CAMK1D: variants seen among roughly 807,000 people sequenced by gnomAD.
CAMK1D encodes the protein calcium/calmodulin dependent protein kinase ID, also known as calcium/calmodulin-dependent protein kinase type 1D.
CAMK1D carries 9 observed loss-of-function variants against 47.7 expected under a neutral mutation model. The observed-to-expected ratio is 0.19, with a 90% CI of 0.11 to 0.33. CAMK1D has a LOEUF of 0.33. Ranked by LOEUF, CAMK1D falls within the 10% of genes least tolerant of loss-of-function variation. The pLI is 1.00. For synonymous variants in CAMK1D, 184 were observed against 184.9 expected (o/e 0.99, Z 0.04); for missense variants, 291 against 488.7 (o/e 0.60, Z 3.81).
chr10:12,655,863 CT>C (rs1428356262), intron 2 of CAMK1D, among the ~76,000 whole-genome samples: 1 of 152,220 alleles, frequency 6.6e-6, no homozygotes, highest in African/African-American at 2.4e-5. Flanking sequence ...AGCTGACAAA[CT>C]TGTCTGTGCA....
At position 12,560,207 on chromosome 10, in the gene CAMK1D, G is replaced by A. The variant is rs79198238; in HGVS notation, c.224+6851G>A. Among the ~76,000 whole-genome samples the A allele has an allele frequency of 6.7e-3, 1,016 of 152,172 alleles. 17 individuals carry two copies. Among genetic ancestry groups the A allele is most frequent in the African/African-American group, 0.023 (956 of 41,490 alleles). On this transcript the variant is annotated intron_variant, in intron 2 of 10. Transcript: ENST00000619168. ...GCCCTGTTCACTTGTTTAAACCACT[G>A]CCAAGTGCCAGTCTTTGTGCCTGTT...
chr10:12,378,536 C>G (rs1838250459), intron 1 of CAMK1D, among the ~76,000 whole-genome samples: 2 of 127,692 alleles, frequency 1.6e-5, no homozygotes, highest in African/African-American at 2.7e-5. Flanking sequence ...TGACTGGCCC[C>G]TTAGTATTTT....
intron 3 of CAMK1D, among the ~76,000 whole-genome samples, chr10:12,751,073 T>TAAGAG (rs1308632569): frequency 2.1e-4 from 8 of 38,222 alleles, no homozygotes; most frequent in Non-Finnish European, 2.3e-4. Context: ...TAAGATAAGA[T>TAAGAG]AAGATAAGAT....
In CAMK1D at chr10:12,523,759, GGGGAGA is replaced by G. The variant is rs958831565; in HGVS notation, c.93-29448_93-29443del. 5.6e-4 allele frequency among the ~76,000 whole-genome samples: 85 copies of G among 152,186 alleles called. No individual in the cohort carries two copies. In the South Asian group the frequency reaches 6.6e-3, roughly 12 times the overall value. ...GGAAAGAGAGGGAGAGGGAGACCGT[GGGGAGA>G]GGGAGAGGGAGAGGGAGCGGGAGAG... On this transcript the variant is annotated intron_variant, in intron 1 of 10. Transcript: ENST00000619168.
At chr10:12,556,010 A>G (rs1421762244) in intron 2 of CAMK1D, among the ~76,000 whole-genome samples, 2 of 152,146 alleles carry the variant, frequency 1.3e-5, no homozygotes, top group Non-Finnish European at 2.9e-5. Flanking sequence ...GGGCTGGAAT[A>G]ACTTGTTTTG....
intron 1 of CAMK1D, among the ~76,000 whole-genome samples, chr10:12,456,187 G>A (rs530513714): frequency 1.3e-5 from 2 of 152,160 alleles, no homozygotes; most frequent in Non-Finnish European, 2.9e-5. Context: ...CCCTGAATTG[G>A]AATGAATAAA....
At chr10:12,795,593 A>G (rs944362799) in intron 6 of CAMK1D, among the ~76,000 whole-genome samples, 2 of 152,174 alleles carry the variant, frequency 1.3e-5, no homozygotes, top group African/African-American at 4.8e-5. Context: ...TTTTTGTTTG[A>G]TAAACCTGTC....
chr10:12,752,841 G>C (rs558212260), intron 3 of CAMK1D, among the ~76,000 whole-genome samples: 1 of 152,198 alleles, frequency 6.6e-6, no homozygotes, highest in African/African-American at 2.4e-5. Context: ...CTTATGAACT[G>C]TCTGTAACCA....
At chr10:12,744,069 G>A (rs182344089) in intron 3 of CAMK1D, among the ~76,000 whole-genome samples, 42 of 151,828 alleles carry the variant, frequency 2.8e-4, no homozygotes, top group Admixed American at 5.9e-4. Flanking sequence ...TCATATAAAT[G>A]AGATCATATA....
At chr10:12,802,644 C>T (rs1406450759) in intron 6 of CAMK1D, among the ~76,000 whole-genome samples, 5 of 152,154 alleles carry the variant, frequency 3.3e-5, no homozygotes, top group Non-Finnish European at 7.3e-5. Flanking sequence ...CCTCAGCCTC[C>T]CGAGTAGCTG....
At chr10:12,761,752 G>GGC (rs1229765531) in intron 4 of CAMK1D, among the ~76,000 whole-genome samples, 1 of 152,164 alleles carries the variant, frequency 6.6e-6, no homozygotes, top group African/African-American at 2.4e-5. Context: ...TGGGTGTGGT[G>GGC]GCGCGTGCCT....
At chr10:12,722,178 T>C (rs1235188253) in intron 3 of CAMK1D, among the ~76,000 whole-genome samples, 1 of 151,970 alleles carries the variant, frequency 6.6e-6, no homozygotes. Flanking sequence ...GCGCGGTGGC[T>C]CACGCCTGTA....
intron 1 of CAMK1D, among the ~76,000 whole-genome samples, chr10:12,487,716 T>G (rs905292416): frequency 6.6e-6 from 1 of 152,258 alleles, no homozygotes; most frequent in Non-Finnish European, 1.5e-5. Flanking sequence ...AAAGATGCAG[T>G]CTGTTCTGAG....
At chr10:12,442,627 C>T (rs1832815571) in intron 1 of CAMK1D, among the ~76,000 whole-genome samples, 1 of 152,200 alleles carries the variant, frequency 6.6e-6, no homozygotes. Flanking sequence ...CCCCAAACCT[C>T]AAAAATGCAT....
intron 2 of CAMK1D, among the ~76,000 whole-genome samples, chr10:12,636,594 C>T (rs950452246): frequency 4.3e-4 from 66 of 152,288 alleles, no homozygotes; most frequent in African/African-American, 1.5e-3. Flanking sequence ...TCCCAAAGTG[C>T]TGGGATTGTA....
chr10:12,769,676 G>A lies in CAMK1D; in HGVS notation c.442G>A (p.Glu148Lys), dbSNP rs752176853. Residue 148 changes from glutamate to lysine, a missense_variant, in exon 5 of 11, where the codon GAA (glutamate) becomes AAA (lysine). Around this residue, in one of 2 missense-constraint regions of CAMK1D, gnomAD observed 219 missense variants for 424.3 expected, o/e 0.52. Coordinates refer to ENST00000619168, the MANE Select transcript of CAMK1D (RefSeq NM_153498.4). ...MGIVHRDLKP[E>K]NLLYYSQDEE... The stretch of plus-strand genomic sequence containing the variant: ...TTTTTTCTTATTTTCTTTCTAGCCC[G>A]AAAATCTCTTGTACTACAGTCAAGA... The A allele has an allele frequency of 6.2e-7, 1 of 1,613,696 alleles. No individual in the cohort carries two copies. The highest frequency in any genetic ancestry group is 8.5e-7 in the Non-Finnish European group (1 of 1,179,814).
At chr10:12,526,856 T>G (rs1835637951) in intron 1 of CAMK1D, among the ~76,000 whole-genome samples, 1 of 144,000 alleles carries the variant, frequency 6.9e-6, no homozygotes, top group African/African-American at 2.6e-5. Flanking sequence ...AGGTTGAGGC[T>G]GCAGTGAGCT....
chr10:12,373,385 A>G (rs889352348), intron 1 of CAMK1D, among the ~76,000 whole-genome samples: 1 of 151,984 alleles, frequency 6.6e-6, no homozygotes, highest in Non-Finnish European at 1.5e-5. Flanking sequence ...TAATCCCAGC[A>G]CTTTGGGAAG....
chr10:12,363,625 C>CTA (rs888740947), intron 1 of CAMK1D, among the ~76,000 whole-genome samples: 4 of 146,866 alleles, frequency 2.7e-5, no homozygotes, highest in Admixed American at 6.8e-5. Flanking sequence ...ACAAAAAAGG[C>CTA]TATATATGTT....
Sources: gnomAD v4.1 joint callset for allele counts (sites outside exome capture counted in the v4.1 genomes callset) on GRCh38, gnomAD v4.1.1 for gene constraint, gnomAD v4.1.1 regional missense constraint, MANE v1.5 for transcripts, NCBI Gene and HGNC (gene_info 2026-07-23, HGNC 2026-07-21) for gene names.